Variants in APBB2 observed in about 807,000 individuals in gnomAD.
The protein encoded by APBB2 is Fe65-like 1.
Under a neutral mutation model 82.5 loss-of-function variants are expected in APBB2, and 38 were observed. That is an observed-to-expected ratio of 0.46 (90% CI 0.36 to 0.60). APBB2 has a LOEUF of 0.60. APBB2 is among the 20% of genes least tolerant of loss of function. APBB2 has a pLI of 0.00. For synonymous variants in APBB2, 341 were observed against 368.2 expected (o/e 0.93, Z 0.85); for missense variants, 772 against 972.3 (o/e 0.79, Z 2.74).
At position 40,823,882 on chromosome 4, in the gene APBB2, T is replaced by C. The variant is rs1243433406; in HGVS notation, c.1817-123A>G. On this transcript the variant is annotated intron_variant, in intron 15 of 17. Transcript: ENST00000508593. ...TTTTTTTAATAGACAGGACACTTCA[T>C]TCTCATGTTTGCTCAACAGGAATGA... 7 of 640,426 alleles carry C rather than the reference T, an allele frequency of 1.1e-5. No individual in the cohort carries two copies. In the South Asian group the frequency reaches 1.2e-4, roughly 11 times the overall value. 39.7% of individuals were successfully genotyped at this position (640,426 alleles called of 1,614,324 possible).
rs71915197 is a variant in APBB2 at position 41,033,584 on chromosome 4, TCACACACA to T, written c.-50-288_-50-281del. On this transcript the variant is annotated intron_variant, in intron 4 of 17. Coordinates refer to ENST00000508593, the MANE Select transcript of APBB2 (RefSeq NM_004307.2). ...CTCAAGTTTCCAATGCTTTTTCTCA[TCACACACA>T]CACACACACACACACACACACACAC... is the stretch of plus-strand genomic sequence containing the variant. Among the ~76,000 whole-genome samples the T allele has an allele frequency of 8.0e-3, 1,046 of 130,818 alleles. 16 individuals carry two copies. Among genetic ancestry groups the T allele is most frequent in the African/African-American group, 0.023 (788 of 33,700 alleles). 85.8% of individuals were successfully genotyped at this position (130,818 alleles called of 152,430 possible). A position where few individuals can be genotyped will look rare whatever the true frequency, so the allele number is the denominator to read the frequency against.
chr4:40,854,257 T>C (rs1226209209), intron 12 of APBB2, among the ~76,000 whole-genome samples: 4 of 152,222 alleles, frequency 2.6e-5, no homozygotes, highest in South Asian at 4.1e-4. Flanking sequence ...AAATATGTCA[T>C]ATTCTGTGTT....
chr4:41,071,402 C>T (rs551758036), intron 3 of APBB2, among the ~76,000 whole-genome samples: 8 of 152,266 alleles, frequency 5.3e-5, no homozygotes, highest in South Asian at 2.1e-4. Flanking sequence ...AGGAATAGGC[C>T]GGGCACGCTG....
intron 12 of APBB2, among the ~76,000 whole-genome samples, chr4:40,831,794 G>A (rs751595606): frequency 1.2e-4 from 18 of 152,032 alleles, no homozygotes; most frequent in Non-Finnish European, 1.8e-4. Context: ...CGGCAGCGGC[G>A]GCACATCATT....
chr4:41,008,006 A>G (rs6832671), intron 6 of APBB2, among the ~76,000 whole-genome samples: 7,000 of 152,324 alleles, frequency 0.046, 343 homozygotes, highest in African/African-American at 0.13. Context: ...GAAAGGTTTC[A>G]TAGTGGAAGT....
rs537492015 is a variant in APBB2, at chr4:40,999,544, CA to C, written c.835+14038del. On this transcript the variant is annotated intron_variant, in intron 6 of 17. Coordinates refer to ENST00000508593, the MANE Select transcript of APBB2 (RefSeq NM_004307.2). ...ACAAAGATTGGATTCCTTCTTTCTG[CA>C]GCTTACAGTTCAGTTTCACCACTCA... 9.3e-4 allele frequency among the ~76,000 whole-genome samples: 141 copies of C among 152,326 alleles called. 2 individuals carry two copies. Among genetic ancestry groups the C allele is most frequent in the African/African-American group, 3.3e-3 (139 of 41,570 alleles).
chr4:41,055,845 C>A (rs938125792), intron 4 of APBB2, among the ~76,000 whole-genome samples: 6 of 152,220 alleles, frequency 3.9e-5, no homozygotes, highest in African/African-American at 9.6e-5. Flanking sequence ...AAAGTATACA[C>A]ATTAAGTGCT....
rs528155992 is a variant in APBB2 at position 41,174,512 on chromosome 4, C to T, written c.-416-31370G>A. Among the ~76,000 whole-genome samples, 8 of 152,296 alleles carry T rather than the reference C, an allele frequency of 5.3e-5. No homozygotes were observed. In the East Asian group the frequency reaches 1.2e-3, roughly 22 times the overall value. ...GAGACTCTACCTGAGCACAAGACTA[C>T]TCAATGTGTGGTCTAGGTGGGTGCT... On this transcript the variant is annotated intron_variant, in intron 1 of 17. Transcript: ENST00000508593.
chr4:41,131,913 AC>A (rs1756108408), intron 2 of APBB2, among the ~76,000 whole-genome samples: 1 of 151,818 alleles, frequency 6.6e-6, no homozygotes, highest in Admixed American at 6.6e-5. Context: ...GGTGGCACAC[AC>A]CTGTAGTCCC....
intron 10 of APBB2, among the ~76,000 whole-genome samples, chr4:40,900,760 T>A (rs1230313976): frequency 8.6e-6 from 1 of 116,034 alleles, no homozygotes; most frequent in African/African-American, 2.7e-5. Context: ...CCCGGGCTTT[T>A]TTTTTTTTTT....
intron 1 of APBB2, among the ~76,000 whole-genome samples, chr4:41,196,214 G>A: frequency 3.6e-4 from 54 of 151,020 alleles, no homozygotes; most frequent in Admixed American, 2.2e-3. Flanking sequence ...CCATCCCCCC[G>A]TCTAGTTCAT....
At chr4:40,981,789 A>C (rs1466028266) in intron 6 of APBB2, among the ~76,000 whole-genome samples, 1 of 152,182 alleles carries the variant, frequency 6.6e-6, no homozygotes, top group African/African-American at 2.4e-5. Flanking sequence ...AACAAGCAGT[A>C]AAGTGGAATA....
intron 1 of APBB2, among the ~76,000 whole-genome samples, chr4:41,148,070 C>A (rs558117192): frequency 2.6e-5 from 4 of 151,778 alleles, no homozygotes; most frequent in Non-Finnish European, 5.9e-5. Context: ...AATGAGGGTT[C>A]GTTAAAAAAA....
rs74460234 is a variant in APBB2 at position 41,212,740 on chromosome 4, C to T, written c.-417+1665G>A. Among the ~76,000 whole-genome samples the T allele has an allele frequency of 8.7e-3, 1,324 of 152,308 alleles. 19 individuals carry two copies. Among genetic ancestry groups the T allele is most frequent in the African/African-American group, 0.031 (1,282 of 41,558 alleles). On this transcript the variant is annotated intron_variant, in intron 1 of 17. Coordinates refer to ENST00000508593, the MANE Select transcript of APBB2 (RefSeq NM_004307.2). Reference sequence around the variant, plus strand: ...AAAGAACAGCAATTGAAATCTTGTACTTGTACCCCACCACCTTCCGCCCTA... The same window carrying T: ...AAAGAACAGCAATTGAAATCTTGTATTTGTACCCCACCACCTTCCGCCCTA...
chr4:40,854,281 T>G (rs934762064), intron 12 of APBB2, among the ~76,000 whole-genome samples: 18 of 152,322 alleles, frequency 1.2e-4, no homozygotes, highest in African/African-American at 3.8e-4. Flanking sequence ...CACAAGCTCT[T>G]TAAAAAGACA....
intron 12 of APBB2, among the ~76,000 whole-genome samples, chr4:40,852,920 C>T (rs993016510): frequency 2.6e-5 from 4 of 152,152 alleles, no homozygotes; most frequent in Admixed American, 2.0e-4. Flanking sequence ...GCTGGGATTA[C>T]AGCATGAGCC....
chr4:41,111,959 C>A (rs1408721328), intron 2 of APBB2, among the ~76,000 whole-genome samples: 1 of 152,096 alleles, frequency 6.6e-6, no homozygotes, highest in African/African-American at 2.4e-5. Flanking sequence ...TAGAAAAAAA[C>A]CAGCAGGCAC....
intron 12 of APBB2, among the ~76,000 whole-genome samples, chr4:40,836,533 C>A (rs1754009139): frequency 6.6e-6 from 1 of 152,088 alleles, no homozygotes; most frequent in Admixed American, 6.5e-5. Context: ...GGCCTGGCGA[C>A]TGGGGAAGAA....
At chr4:40,978,518 T>C (rs1273598437) in intron 6 of APBB2, among the ~76,000 whole-genome samples, 2 of 152,172 alleles carry the variant, frequency 1.3e-5, no homozygotes, top group Non-Finnish European at 2.9e-5. Context: ...TATTCAATCA[T>C]ATTTATAATT....
Sources: allele counts gnomAD v4.1 joint callset (sites outside exome capture counted in the v4.1 genomes callset), GRCh38; gene constraint gnomAD v4.1.1; transcripts MANE v1.5; gene names NCBI Gene and HGNC (gene_info 2026-07-23, HGNC 2026-07-21).